TRPM3: variants seen among roughly 807,000 people sequenced by gnomAD.
TRPM3 encodes long transient receptor potential channel 3.
A neutral mutation model predicts 181.2 loss-of-function variants in TRPM3; 77 were observed. The ratio of observed to expected loss-of-function variants is 0.42; its 90% CI spans 0.35 to 0.51. The LOEUF (loss-of-function observed/expected upper bound fraction) is 0.51, where lower values mean the gene tolerates loss of function less well. Among genes scored for constraint, TRPM3 ranks in the 20% least tolerant of loss-of-function variants. TRPM3 has a pLI of 0.01. For missense variants in TRPM3, 1,759 were observed against 2,196.7 expected, an observed-to-expected ratio of 0.80 and a Z score of 3.98; for synonymous variants, 745 against 796.4, an observed-to-expected ratio of 0.94 and a Z score of 1.09.
At chr9:70,934,130 CTATTCTT>C (rs1306412339) in intron 1 of TRPM3, among the ~76,000 whole-genome samples, 1 of 152,104 alleles carries the variant, frequency 6.6e-6, no homozygotes, top group Admixed American at 6.6e-5. Context: ...TCTCAAGGCT[CTATTCTT>C]TAAGTATGAT....
chr9:71,259,078 T>A (rs1287436261), intron 1 of TRPM3, among the ~76,000 whole-genome samples: 1 of 151,998 alleles, frequency 6.6e-6, no homozygotes, highest in Non-Finnish European at 1.5e-5. Flanking sequence ...CAGTGTGTGA[T>A]GTTCCCCTCC....
At chr9:70,950,056 A>G (rs2096981227) in intron 1 of TRPM3, among the ~76,000 whole-genome samples, 1 of 152,162 alleles carries the variant, frequency 6.6e-6, no homozygotes, top group Non-Finnish European at 1.5e-5. Context: ...GTTTATACTA[A>G]AATTGAAAAA....
At chr9:70,617,162 C>A (rs1474615306) in intron 17 of TRPM3, among the ~76,000 whole-genome samples, 2 of 152,174 alleles carry the variant, frequency 1.3e-5, no homozygotes, top group Non-Finnish European at 2.9e-5. Flanking sequence ...GGGTGCCTGG[C>A]CGGCCTACGA....
chr9:71,121,081 G>T, intron 1 of TRPM3, 97 bp downstream of exon 1: 1 of 1,244,818 alleles, frequency 8.0e-7, no homozygotes, highest in Non-Finnish European at 1.1e-6. Context: ...CATGCATTTA[G>T]GCTCCCCCAA....
At chr9:70,548,810 C>G (rs958443302) in intron 25 of TRPM3, among the ~76,000 whole-genome samples, 5 of 151,210 alleles carry the variant, frequency 3.3e-5, no homozygotes, top group African/African-American at 9.7e-5. Context: ...GCTAGACTTA[C>G]TAGGTTTAAA....
chr9:71,341,790 GTTAAC>G (rs1276101291), intron 1 of TRPM3, among the ~76,000 whole-genome samples: 1 of 151,986 alleles, frequency 6.6e-6, no homozygotes, highest in South Asian at 2.1e-4. Flanking sequence ...TATGTAAGAT[GTTAAC>G]TTAAAGGGAA....
intron 1 of TRPM3, among the ~76,000 whole-genome samples, chr9:71,437,981 A>C (rs909095375): frequency 1.3e-5 from 2 of 152,212 alleles, no homozygotes; most frequent in African/African-American, 2.4e-5. Context: ...ATACCCAAAA[A>C]TGAGAGACAG....
intron 1 of TRPM3, among the ~76,000 whole-genome samples, chr9:71,420,619 CAGAAAAAGAAAA>C (rs992589016): frequency 1.2e-5 from 1 of 84,886 alleles, no homozygotes; most frequent in Non-Finnish European, 2.5e-5. Flanking sequence ...GAAAGAAAGA[CAGAAAAAGAAAA>C]AGAAAAAGAG....
At chr9:71,393,525 G>A (rs1471624434) in intron 1 of TRPM3, among the ~76,000 whole-genome samples, 4 of 152,090 alleles carry the variant, frequency 2.6e-5, no homozygotes, top group Non-Finnish European at 5.9e-5. Flanking sequence ...ACACCTGAAG[G>A]AAAAGTTAGA....
chr9:71,033,146 T>A (rs1303779001), intron 1 of TRPM3, among the ~76,000 whole-genome samples: 1 of 152,098 alleles, frequency 6.6e-6, no homozygotes, highest in Admixed American at 6.6e-5. Flanking sequence ...GGGTCCTAGA[T>A]GGTTGGGGCT....
chr9:70,809,067 A>G (rs2091323816), intron 6 of TRPM3, among the ~76,000 whole-genome samples: 1 of 152,296 alleles, frequency 6.6e-6, no homozygotes, highest in Admixed American at 6.5e-5. Flanking sequence ...CTTCATTTTT[A>G]AGAAAAAAGT....
intron 1 of TRPM3, among the ~76,000 whole-genome samples, chr9:71,141,619 T>C (rs1045779734): frequency 2.6e-5 from 4 of 152,208 alleles, no homozygotes; most frequent in Admixed American, 1.3e-4. Context: ...TGATTATCTG[T>C]ACAACGTCAG....
rs751549801 is a variant in TRPM3, at chr9:70,536,371, G to A, written c.4742C>T (p.Pro1581Leu). Residue 1581 changes from proline (P) to leucine (L), a missense_variant, in exon 26 of 26, where the codon CCT becomes CTT. By Grantham distance (98) the Pro-to-Leu change is moderately conservative (BLOSUM62 -3). This residue lies in a region of TRPM3 where 612 missense variants were observed against 590.0 expected (regional missense o/e 1.04). Transcript: ENST00000677713. The part of the protein sequence containing the change: ...PQAIADRAAF[P>L]GGLGDKVEDL... ...CTCCACTTTGTCTCCAAGACCTCCA[G>A]GGAAGGCAGCTCTGTCCGCAATTGC... The A allele has an allele frequency of 3.7e-6, 6 of 1,613,976 alleles. No individual in the cohort carries two copies. Among genetic ancestry groups the A allele is most frequent in the Non-Finnish European group, 1.7e-6 (2 of 1,180,018 alleles).
intron 1 of TRPM3, among the ~76,000 whole-genome samples, chr9:70,992,821 A>G (rs927445046): frequency 5.3e-5 from 8 of 152,220 alleles, no homozygotes; most frequent in African/African-American, 1.9e-4. Flanking sequence ...TAAATTTTAA[A>G]AAATCTTGGA....
At chr9:71,277,696 T>C (rs983526265) in intron 1 of TRPM3, among the ~76,000 whole-genome samples, 11 of 152,184 alleles carry the variant, frequency 7.2e-5, no homozygotes, top group African/African-American at 2.7e-4. Context: ...CGGTCCAATA[T>C]GAATATAATA....
intron 1 of TRPM3, among the ~76,000 whole-genome samples, chr9:71,405,036 A>G (rs1462285364): frequency 1.3e-5 from 2 of 152,182 alleles, no homozygotes; most frequent in Non-Finnish European, 2.9e-5. Flanking sequence ...ACATTGTGCT[A>G]TAATTAACAT....
chr9:71,120,785 G>T (rs1015953689), intron 1 of TRPM3, among the ~76,000 whole-genome samples: 1 of 152,164 alleles, frequency 6.6e-6, no homozygotes, highest in East Asian at 1.9e-4. Flanking sequence ...GGCTTCCCCA[G>T]GGAGAGAGAA....
At chr9:70,957,590 T>A (rs2097092114) in intron 1 of TRPM3, among the ~76,000 whole-genome samples, 1 of 152,210 alleles carries the variant, frequency 6.6e-6, no homozygotes, top group African/African-American at 2.4e-5. Context: ...GTACTTAAAC[T>A]ATTTAGCAGC....
intron 25 of TRPM3, among the ~76,000 whole-genome samples, chr9:70,541,270 C>G (rs977657271): frequency 5.3e-5 from 8 of 152,184 alleles, no homozygotes; most frequent in Non-Finnish European, 1.0e-4. Context: ...CAAACCTTAA[C>G]TGTCCTATGG....
Sources: allele counts gnomAD v4.1 joint callset (sites outside exome capture counted in the v4.1 genomes callset), GRCh38; gene constraint gnomAD v4.1.1; regional missense constraint gnomAD v4.1.1; transcripts MANE v1.5; gene names NCBI Gene and HGNC (gene_info 2026-07-23, HGNC 2026-07-21).